The following ZNF385D variants were observed in gnomAD, a reference collection of about 807,000 sequenced individuals.
The protein encoded by ZNF385D is zinc finger protein 659.
ZNF385D carries 15 observed loss-of-function variants against 35.8 expected under a neutral mutation model. That is an observed-to-expected ratio of 0.42 (90% confidence interval 0.28 to 0.64). ZNF385D has a LOEUF of 0.64. Among genes scored for constraint, ZNF385D ranks in the 30% least tolerant of loss-of-function variants. The probability of loss-of-function intolerance (pLI) is 0.23; values close to 1 mark genes in which losing one functional copy is unlikely to be tolerated. For missense variants in ZNF385D, 474 were observed against 494.6 expected (o/e 0.96, Z 0.39); for synonymous variants, 212 against 186.8 (o/e 1.13, Z -1.10).
intron 3 of ZNF385D, among the ~76,000 whole-genome samples, chr3:22,120,163 G>C (rs887313188): frequency 3.9e-5 from 6 of 151,914 alleles, no homozygotes; most frequent in African/African-American, 1.4e-4. Flanking sequence ...CTTAATGAAG[G>C]TAGAGTGCCT....
At chr3:21,854,199 C>T (rs1445195326) in intron 3 of ZNF385D, among the ~76,000 whole-genome samples, 5 of 151,926 alleles carry the variant, frequency 3.3e-5, no homozygotes, top group East Asian at 1.9e-4. Flanking sequence ...CATCTTGGGC[C>T]GCTCCATTCA....
chr3:21,485,678 T>C (rs1158528205), intron 4 of ZNF385D, among the ~76,000 whole-genome samples: 6 of 152,138 alleles, frequency 3.9e-5, no homozygotes, highest in Admixed American at 3.9e-4. Flanking sequence ...ACATTAATAA[T>C]AATGATCATA....
chr3:21,921,184 C>G (rs1173473675), intron 3 of ZNF385D, among the ~76,000 whole-genome samples: 1 of 141,932 alleles, frequency 7.0e-6, no homozygotes, highest in Non-Finnish European at 1.5e-5. Context: ...GATCGCGCCA[C>G]CGCACTCCAG....
chr3:21,912,503 G>C (rs899321907), intron 3 of ZNF385D, among the ~76,000 whole-genome samples: 14 of 151,996 alleles, frequency 9.2e-5, no homozygotes, highest in Non-Finnish European at 1.5e-4. Flanking sequence ...AATGTGTACA[G>C]AGGAAGCTAA....
intron 3 of ZNF385D, among the ~76,000 whole-genome samples, chr3:21,923,912 A>G (rs911378511): frequency 6.6e-6 from 1 of 152,190 alleles, no homozygotes; most frequent in Non-Finnish European, 1.5e-5. Flanking sequence ...TGCCCATGTA[A>G]CAAACCTGCA....
chr3:21,754,675 C>G (rs1251553551), upstream of ZNF385D, among the ~76,000 whole-genome samples: 1 of 151,848 alleles, frequency 6.6e-6, no homozygotes, highest in Admixed American at 6.6e-5. Context: ...ACCTCCTTTC[C>G]TCCCTTATTT....
At chr3:21,978,471 G>A (rs899820494) in intron 3 of ZNF385D, among the ~76,000 whole-genome samples, 3 of 152,310 alleles carry the variant, frequency 2.0e-5, no homozygotes, top group Admixed American at 1.3e-4. Context: ...GCCATCACTG[G>A]CAAAAGTAGA....
intron 3 of ZNF385D, among the ~76,000 whole-genome samples, chr3:22,005,661 T>A (rs1696156936): frequency 2.6e-5 from 4 of 152,244 alleles, no homozygotes; most frequent in African/African-American, 7.2e-5. Context: ...CACCTCATTA[T>A]ATTCTCACAC....
chr3:22,068,364 A>G (rs749010502), intron 3 of ZNF385D, among the ~76,000 whole-genome samples: 9 of 152,116 alleles, frequency 5.9e-5, no homozygotes, highest in Non-Finnish European at 1.0e-4. Flanking sequence ...CTGTCCCTTC[A>G]TGAGCATTAA....
intron 2 of ZNF385D, among the ~76,000 whole-genome samples, chr3:21,651,368 T>A (rs1174833150): frequency 2.0e-5 from 3 of 151,680 alleles, no homozygotes; most frequent in Non-Finnish European, 4.4e-5. Context: ...TCATTTATGT[T>A]CTGACTCAGG....
At chr3:21,474,480 G>A (rs532969944) in intron 4 of ZNF385D, among the ~76,000 whole-genome samples, 2 of 152,100 alleles carry the variant, frequency 1.3e-5, no homozygotes, top group East Asian at 3.9e-4. Context: ...CGAGGTTCTG[G>A]GAGGCCAAAT....
At chr3:22,140,070 A>C (rs940902077) in intron 3 of ZNF385D, among the ~76,000 whole-genome samples, 9 of 152,212 alleles carry the variant, frequency 5.9e-5, no homozygotes, top group African/African-American at 1.7e-4. Context: ...AACATATATT[A>C]CCACCCAACC....
intron 4 of ZNF385D, among the ~76,000 whole-genome samples, chr3:21,459,836 C>T (rs1230910204): frequency 1.3e-5 from 2 of 152,120 alleles, no homozygotes; most frequent in East Asian, 1.9e-4. Context: ...ATAACTAAGA[C>T]AATATTCAAT....
At chr3:21,555,781 A>G (rs2062712939) in intron 3 of ZNF385D, among the ~76,000 whole-genome samples, 1 of 152,192 alleles carries the variant, frequency 6.6e-6, no homozygotes, top group African/African-American at 2.4e-5. Flanking sequence ...TCTTTGAGGA[A>G]TCACCACACT....
At chr3:21,995,025 G>A (rs560835716) in intron 3 of ZNF385D, among the ~76,000 whole-genome samples, 35 of 152,350 alleles carry the variant, frequency 2.3e-4, no homozygotes, top group Admixed American at 4.6e-4. Context: ...TTGCCTCCAG[G>A]CAACTTTCTT....
intron 2 of ZNF385D, among the ~76,000 whole-genome samples, chr3:22,289,111 C>G (rs1702166447): frequency 6.6e-6 from 1 of 152,002 alleles, no homozygotes; most frequent in Non-Finnish European, 1.5e-5. Context: ...AATCTCTCAC[C>G]TTCTCTACAC....
chr3:22,319,128 A>G (rs1704059145), intron 2 of ZNF385D, among the ~76,000 whole-genome samples: 1 of 152,198 alleles, frequency 6.6e-6, no homozygotes, highest in African/African-American at 2.4e-5. Context: ...CAATATAAGT[A>G]TCTTAAAAGA....
chr3:22,071,412 C>T (rs980375660), intron 3 of ZNF385D, among the ~76,000 whole-genome samples: 6 of 151,992 alleles, frequency 3.9e-5, no homozygotes, highest in Admixed American at 1.3e-4. Flanking sequence ...AAATATTATC[C>T]AGCTTCATAC....
At chr3:22,119,858 C>A (rs6769016) in intron 3 of ZNF385D, among the ~76,000 whole-genome samples, 7 of 151,842 alleles carry the variant, frequency 4.6e-5, no homozygotes, top group African/African-American at 1.7e-4. Flanking sequence ...TTAATTTTTT[C>A]ATTTTTTGAG....
Sources: allele counts gnomAD v4.1 joint callset (sites outside exome capture counted in the v4.1 genomes callset), GRCh38; gene constraint gnomAD v4.1.1; transcripts MANE v1.5; gene names NCBI Gene and HGNC (gene_info 2026-07-23, HGNC 2026-07-21).